GLIS1: variants seen among roughly 807,000 people sequenced by gnomAD.
The protein encoded by GLIS1 is zinc finger protein GLIS1.
GLIS1 carries 24 observed loss-of-function variants against 63.8 expected under a neutral mutation model. That is an observed-to-expected ratio of 0.38 (90% CI 0.27 to 0.53). The LOEUF (loss-of-function observed/expected upper bound fraction) is 0.53. Ranked by LOEUF, GLIS1 falls within the 20% of genes least tolerant of loss-of-function variation. The pLI, the probability that GLIS1 is intolerant of heterozygous loss-of-function variation, is 0.85. For synonymous variants in GLIS1, 450 were observed against 482.5 expected, an observed-to-expected ratio of 0.93 and a Z score of 0.88; for missense variants, 1,036 against 1,074.1, an observed-to-expected ratio of 0.96 and a Z score of 0.50.
intron 2 of GLIS1, among the ~76,000 whole-genome samples, chr1:53,721,494 C>CAA (rs112247642): frequency 6.8e-6 from 1 of 146,358 alleles, no homozygotes; most frequent in East Asian, 2.0e-4. Context: ...AAGAAAATGC[C>CAA]AAAAAAAAAA....
intron 4 of GLIS1, among the ~76,000 whole-genome samples, chr1:53,571,997 T>C (rs1449216535): frequency 6.6e-6 from 1 of 152,190 alleles, no homozygotes; most frequent in East Asian, 1.9e-4. Context: ...AGGATACATA[T>C]GTGTGATGAA....
intron 2 of GLIS1, among the ~76,000 whole-genome samples, chr1:53,641,117 T>C (rs1645782718): frequency 6.6e-6 from 1 of 152,122 alleles, no homozygotes; most frequent in Admixed American, 6.5e-5. Flanking sequence ...CCTGAATATC[T>C]TGGGGGACCA....
intron 2 of GLIS1, among the ~76,000 whole-genome samples, chr1:53,648,405 G>A (rs1308171810): frequency 2.0e-4 from 31 of 152,164 alleles, no homozygotes; most frequent in Admixed American, 1.5e-3. Flanking sequence ...CTCTGCCAGC[G>A]GGAGTGCTAA....
chr1:53,635,370 A>G (rs959920000), intron 2 of GLIS1, among the ~76,000 whole-genome samples: 4 of 152,220 alleles, frequency 2.6e-5, no homozygotes, highest in Non-Finnish European at 5.9e-5. Flanking sequence ...AACCGGAATC[A>G]AAAACATAAC....
rs376796216 is a variant in GLIS1 at position 53,506,669 on chromosome 1, C to A, written c.2338G>T (p.Ala780Ser). ...PEDCGFFPNG[A>S]FDHCLGHIPS... Reference sequence around the variant, plus strand: ...ATGTGGCCCAGGCAGTGGTCAAAGGCTCCATTGGGGAAGAAGCCACAGTCC... The same window carrying A: ...ATGTGGCCCAGGCAGTGGTCAAAGGATCCATTGGGGAAGAAGCCACAGTCC... The change falls in exon 11 of 11, where the codon GCC becomes TCC. Residue 780 changes from alanine (A) to serine (S), a missense_variant. Ala to Ser is a moderately conservative substitution (Grantham distance 99). This residue lies in a region of GLIS1 where 400 missense variants were observed against 400.9 expected (regional missense o/e 1.00). Transcript: ENST00000628545. The A allele has an allele frequency of 3.1e-6, 5 of 1,613,442 alleles. No individual in the cohort carries two copies. The highest frequency in any genetic ancestry group is 3.3e-5 in the Admixed American group (2 of 60,002).
intron 2 of GLIS1, among the ~76,000 whole-genome samples, chr1:53,606,796 ACGC>A (rs1438114951): frequency 1.3e-5 from 2 of 152,248 alleles, no homozygotes; most frequent in Admixed American, 1.3e-4. Flanking sequence ...TCGCGGCCTC[ACGC>A]CGGGCTTCTG....
At chr1:53,570,905 G>T (rs1644977896) in intron 4 of GLIS1, among the ~76,000 whole-genome samples, 1 of 152,056 alleles carries the variant, frequency 6.6e-6, no homozygotes, top group African/African-American at 2.4e-5. Context: ...AGGTAGAGAA[G>T]GACATTTTAC....
chr1:53,647,440 G>C (rs1176561821), intron 2 of GLIS1, among the ~76,000 whole-genome samples: 3 of 152,190 alleles, frequency 2.0e-5, no homozygotes, highest in Admixed American at 2.0e-4. Context: ...TCAGAAAAGT[G>C]GGGGAAGGAC....
rs189823915 is a variant in GLIS1, at chr1:53,650,546, C to T, written c.260-50268G>A. On this transcript the variant is annotated intron_variant, in intron 2 of 10. Coordinates refer to ENST00000628545, the MANE Select transcript of GLIS1 (RefSeq NM_001367484.1). ...ATGAGGTTGCAGTGAGCCAAGATCA[C>T]GCCATTGCACTCCAACCTGGGCAAC... Among the ~76,000 whole-genome samples, 862 of 146,548 alleles carry T rather than the reference C, an allele frequency of 5.9e-3. 7 individuals are homozygous for T. The highest frequency in any genetic ancestry group is 0.03 in the Admixed American group (425 of 14,322).
rs536768850 is a variant in GLIS1, at chr1:53,699,853, C to G, written c.259+37953G>C. 2.0e-3 allele frequency among the ~76,000 whole-genome samples: 309 copies of G among 152,276 alleles called. 2 individuals are homozygous for G. Among genetic ancestry groups the G allele is most frequent in the African/African-American group, 7.2e-3 (301 of 41,566 alleles). ...GTAAGGTGCTACTCCCATCCTGAGG[C>G]CCCCACCCTCATGGCCTCACCTAAT... On this transcript the variant is annotated intron_variant, in intron 2 of 10. Transcript: ENST00000628545.
intron 5 of GLIS1, among the ~76,000 whole-genome samples, chr1:53,528,912 G>A (rs1435989525): frequency 6.6e-6 from 1 of 152,166 alleles, no homozygotes; most frequent in Non-Finnish European, 1.5e-5. Flanking sequence ...CAGCACATGG[G>A]GGCTGGGGTC....
At chr1:53,643,639 G>A (rs558382952) in intron 2 of GLIS1, among the ~76,000 whole-genome samples, 66 of 152,294 alleles carry the variant, frequency 4.3e-4, no homozygotes, top group South Asian at 2.3e-3. Flanking sequence ...TGTGACTTGG[G>A]CAAGTTATGG....
chr1:53,514,831 T>C (rs1032140721), intron 7 of GLIS1, 50 bp from the exon 8 acceptor site: 3 of 1,503,012 alleles, frequency 2.0e-6, no homozygotes. Flanking sequence ...TCCCTAGAGA[T>C]GGTTGTGATG....
At chr1:53,570,516 A>G (rs1420151409) in intron 4 of GLIS1, among the ~76,000 whole-genome samples, 3 of 152,206 alleles carry the variant, frequency 2.0e-5, no homozygotes, top group Non-Finnish European at 4.4e-5. Context: ...GGGGTGGGAA[A>G]TAGCGGGGAT....
chr1:53,623,795 T>C (rs934109138), intron 2 of GLIS1, among the ~76,000 whole-genome samples: 12 of 152,102 alleles, frequency 7.9e-5, no homozygotes, highest in Non-Finnish European at 1.5e-4. Flanking sequence ...TATAATAGCA[T>C]CAGAAAACAC....
At chr1:53,723,977 A>G (rs1439516780) in intron 2 of GLIS1, among the ~76,000 whole-genome samples, 2 of 152,204 alleles carry the variant, frequency 1.3e-5, no homozygotes, top group African/African-American at 4.8e-5. Flanking sequence ...GAACCAGCAG[A>G]AGCCACCCAC....
chr1:53,623,796 C>G (rs745572406), intron 2 of GLIS1, among the ~76,000 whole-genome samples: 2 of 152,106 alleles, frequency 1.3e-5, no homozygotes, highest in Non-Finnish European at 2.9e-5. Flanking sequence ...ATAATAGCAT[C>G]AGAAAACACA....
At chr1:53,655,016 G>A (rs11588637) in intron 2 of GLIS1, among the ~76,000 whole-genome samples, 1 of 152,172 alleles carries the variant, frequency 6.6e-6, no homozygotes, top group Non-Finnish European at 1.5e-5. Context: ...AAATGCTGAT[G>A]ATGAGGAGCT....
chr1:53,640,552 G>C (rs144772661), intron 2 of GLIS1, among the ~76,000 whole-genome samples: 117 of 152,256 alleles, frequency 7.7e-4, no homozygotes, highest in African/African-American at 2.7e-3. Flanking sequence ...CCTGTAGGGT[G>C]GCTGTTTAGA....
Sources: gnomAD v4.1 joint callset for allele counts (sites outside exome capture counted in the v4.1 genomes callset) on GRCh38, gnomAD v4.1.1 for gene constraint, gnomAD v4.1.1 regional missense constraint, MANE v1.5 for transcripts, NCBI Gene and HGNC (gene_info 2026-07-23, HGNC 2026-07-21) for gene names.